Variants in EXPH5 observed in about 807,000 individuals in gnomAD.
EXPH5 encodes the protein exophilin 5.
Under a neutral mutation model 41.1 loss-of-function variants are expected in EXPH5, and 42 were observed. That is an observed-to-expected ratio of 1.02 (90% CI 0.80 to 1.32). The LOEUF (loss-of-function observed/expected upper bound fraction) is 1.32, where lower values mean the gene tolerates loss of function less well. Ranked by LOEUF, EXPH5 falls within the 40% of genes most tolerant of loss-of-function variation. The probability of loss-of-function intolerance (pLI) is 0.00; values close to 1 mark genes in which losing one functional copy is unlikely to be tolerated. For missense variants in EXPH5, 2,298 were observed against 2,314.5 expected (o/e 0.99, Z 0.15); for synonymous variants, 798 against 833.5 (o/e 0.96, Z 0.73).
Position 108,511,788 on chromosome 11 carries a change from T to A in EXPH5, c.3719A>T (p.Asp1240Val). Residue 1240 changes from aspartate (D) to valine (V), a missense_variant, in exon 6 of 6, where the codon GAT becomes GTT. By Grantham distance (152) the Asp-to-Val change is radical (BLOSUM62 -3). Coordinates refer to ENST00000265843, the MANE Select transcript of EXPH5 (RefSeq NM_015065.3). The stretch of plus-strand genomic sequence containing the variant: ...CTCCAGACATTTTACATTATCTTCA[T>A]CACCAGAAACAGAAAACGTACTAGT... ...KTTSTFSVSG[D>V]EDNVKCLEVV... The A allele has an allele frequency of 6.2e-7, 1 of 1,609,966 alleles. No individual in the cohort carries two copies.
chr11:108,589,243 A>G (rs2094121711), intron 1 of EXPH5, among the ~76,000 whole-genome samples: 1 of 152,204 alleles, frequency 6.6e-6, no homozygotes, highest in Non-Finnish European at 1.5e-5. Flanking sequence ...TAAAAAGCCC[A>G]ATCAGTAGAC....
At chr11:108,575,959 A>G (rs1396629901) in intron 1 of EXPH5, among the ~76,000 whole-genome samples, 1 of 152,208 alleles carries the variant, frequency 6.6e-6, no homozygotes, top group East Asian at 1.9e-4. Context: ...GAGACTCCGT[A>G]TCAAAATAAA....
intron 3 of EXPH5, 59 bp downstream of exon 3, chr11:108,538,965 C>T (rs767668914): frequency 2.3e-5 from 32 of 1,378,316 alleles, no homozygotes; most frequent in African/African-American, 2.9e-5. Context: ...ACAAAACAGG[C>T]TGCTGGCCTC....
intron 2 of EXPH5, among the ~76,000 whole-genome samples, chr11:108,540,737 G>A (rs899076915): frequency 6.6e-6 from 1 of 151,984 alleles, no homozygotes; most frequent in Non-Finnish European, 1.5e-5. Flanking sequence ...AGTCATTCAT[G>A]GAGTTTACCA....
At chr11:108,577,545 T>C (rs944332749) in intron 1 of EXPH5, among the ~76,000 whole-genome samples, 5 of 152,088 alleles carry the variant, frequency 3.3e-5, no homozygotes, top group African/African-American at 1.2e-4. Context: ...TGCCTCAGCC[T>C]CCCGAGTAGC....
At chr11:108,557,321 A>G (rs963488308) in intron 1 of EXPH5, among the ~76,000 whole-genome samples, 7 of 152,214 alleles carry the variant, frequency 4.6e-5, no homozygotes, top group African/African-American at 1.7e-4. Flanking sequence ...TTAATGGGGT[A>G]CAAGAGATAT....
intron 1 of EXPH5, among the ~76,000 whole-genome samples, chr11:108,566,738 C>T (rs917699859): frequency 2.0e-5 from 3 of 152,164 alleles, no homozygotes; most frequent in Admixed American, 1.3e-4. Flanking sequence ...GAAATTCTCT[C>T]ATTTTCTTTG....
chr11:108,552,950 C>T (rs903445639), intron 1 of EXPH5, among the ~76,000 whole-genome samples: 2 of 152,082 alleles, frequency 1.3e-5, no homozygotes, highest in Non-Finnish European at 2.9e-5. Context: ...AATCCTAGCA[C>T]TTTGGGAGAC....
intron 1 of EXPH5, among the ~76,000 whole-genome samples, chr11:108,555,252 A>C (rs942565090): frequency 6.6e-6 from 1 of 152,252 alleles, no homozygotes; most frequent in Non-Finnish European, 1.5e-5. Flanking sequence ...TACTTTATTA[A>C]AATGTCTAAA....
upstream of EXPH5, among the ~76,000 whole-genome samples, chr11:108,596,155 A>T (rs1251128188): frequency 2.0e-5 from 3 of 152,060 alleles, no homozygotes; most frequent in African/African-American, 4.8e-5. Flanking sequence ...AGATCACACC[A>T]CTGCACTCCA....
chr11:108,533,905 C>T (rs1302862664), intron 3 of EXPH5, among the ~76,000 whole-genome samples: 1 of 152,210 alleles, frequency 6.6e-6, no homozygotes, highest in Non-Finnish European at 1.5e-5. Context: ...AGCAATCCTC[C>T]TGCCTCAGCC....
At position 108,509,929 on chromosome 11, in the gene EXPH5, C is replaced by T; in HGVS notation, c.5578G>A (p.Gly1860Arg). 6.2e-7 allele frequency: 1 copy of T among 1,610,152 alleles called. No homozygotes were observed. Among genetic ancestry groups the T allele is most frequent in the Non-Finnish European group, 8.5e-7 (1 of 1,178,622 alleles). Reference sequence around the variant, plus strand: ...CTGCGATAAGCCCAACTTTCATTTCCATCACAGGAGGGGAGTTCAGAAAAA... The same window carrying T: ...CTGCGATAAGCCCAACTTTCATTTCTATCACAGGAGGGGAGTTCAGAAAAA... ...RSFSELPSCD[G>R]NESWAYRSGT... The change falls in exon 6 of 6, where the codon GGA becomes AGA. Residue 1860 changes from glycine (G) to arginine (R), a missense_variant. Coordinates refer to ENST00000265843, the MANE Select transcript of EXPH5 (RefSeq NM_015065.3).
At position 108,593,294 on chromosome 11, in the gene EXPH5, C is replaced by T. The variant is rs2094132657; in HGVS notation, c.119+124G>A. 3.9e-5 allele frequency: 32 copies of T among 812,656 alleles called. 1 individual carries two copies. The South Asian group carries it at 4.9e-4, about 12-fold the overall frequency. The allele number at this position is 812,656 out of a possible 1,614,324, so 50.3% of individuals were successfully genotyped here. On this transcript the variant is annotated intron_variant, in intron 1 of 5. Coordinates refer to ENST00000265843, the MANE Select transcript of EXPH5 (RefSeq NM_015065.3). ...CAGTTTTCTCTTCCCGACCCGCAGC[C>T]TCCGCAGCAGCCGCTCGGAGCACCC...
chr11:108,585,613 T>C (rs1211836677), intron 1 of EXPH5, among the ~76,000 whole-genome samples: 2 of 152,216 alleles, frequency 1.3e-5, no homozygotes, highest in African/African-American at 2.4e-5. Flanking sequence ...AGGTATTTTG[T>C]TGTAGTAGCC....
At chr11:108,599,790 C>A in the EXPH5 span, among the ~76,000 whole-genome samples, 1 of 152,286 alleles carries the variant, frequency 6.6e-6, no homozygotes, top group South Asian at 2.1e-4. Flanking sequence ...TGCTGGGCAG[C>A]CTTCTCATCA....
chr11:108,576,514 T>G lies in EXPH5; in HGVS notation c.119+16904A>C, dbSNP rs910219908. ...TAATGTACAAAATGCCAATGAATTG[T>G]TAGCTTTAAAGTGGATAGTTTTATG... On this transcript the variant is annotated intron_variant, in intron 1 of 5. Transcript: ENST00000265843. Among the ~76,000 whole-genome samples the G allele has an allele frequency of 5.9e-5, 9 of 152,318 alleles. No homozygotes were observed. In the South Asian group the frequency reaches 1.9e-3, roughly 32 times the overall value.
intron 1 of EXPH5, among the ~76,000 whole-genome samples, chr11:108,584,005 T>C (rs892323090): frequency 2.0e-5 from 3 of 152,160 alleles, no homozygotes; most frequent in Admixed American, 6.5e-5. Context: ...ATATCAAAAA[T>C]CAATTGTATT....
rs1026205518 is a variant in EXPH5 at position 108,514,471 on chromosome 11, C to T, written c.1036G>A (p.Ala346Thr). Residue 346 changes from alanine to threonine, a missense_variant, in exon 6 of 6, where the codon GCC becomes ACC. Ala to Thr is a moderately conservative substitution (Grantham distance 58). Transcript: ENST00000265843. ...HFTARSLHFP[A>T]TTQSKSGFIP... ...AACCCACTCTTGCTCTGAGTTGTGG[C>T]TGGAAAATGTAAGCTTCTTGCTGTG... 1 of 1,613,064 alleles carries T rather than the reference C, an allele frequency of 6.2e-7. No homozygotes were observed. Among genetic ancestry groups the T allele is most frequent in the South Asian group, 1.1e-5 (1 of 90,784 alleles).
At chr11:108,533,674 C>A (rs2093859208) in intron 3 of EXPH5, among the ~76,000 whole-genome samples, 1 of 152,186 alleles carries the variant, frequency 6.6e-6, no homozygotes, top group African/African-American at 2.4e-5. Context: ...TCAGTCTCTA[C>A]ACTGTTGACG....
Sources: allele counts gnomAD v4.1 joint callset (sites outside exome capture counted in the v4.1 genomes callset), GRCh38; gene constraint gnomAD v4.1.1; transcripts MANE v1.5; gene names NCBI Gene and HGNC (gene_info 2026-07-23, HGNC 2026-07-21).